GAP43: variants seen among roughly 807,000 people sequenced by gnomAD.
The protein encoded by GAP43 is growth associated protein 43, also known as neuromodulin.
Under a neutral mutation model 18.6 loss-of-function variants are expected in GAP43, and 6 were observed. The ratio of observed to expected loss-of-function variants is 0.32; its 90% confidence interval spans 0.18 to 0.64. The LOEUF is 0.64. GAP43 is among the 30% of genes least tolerant of loss of function. The pLI, the probability that GAP43 is intolerant of heterozygous loss-of-function variation, is 0.78. For synonymous variants in GAP43, 115 were observed against 111.4 expected (o/e 1.03, Z -0.20); for missense variants, 292 against 295.5 (o/e 0.99, Z 0.09).
chr3:115,663,730 G>T (rs1559795139), intron 1 of GAP43: 3 of 1,546,372 alleles, frequency 1.9e-6, no homozygotes, highest in Non-Finnish European at 1.7e-6. Context: ...CAGCTCTACA[G>T]CCTAGTCTTT....
chr3:115,663,842 T>A, intron 1 of GAP43: 1 of 1,552,064 alleles, frequency 6.4e-7, no homozygotes, highest in Middle Eastern at 1.7e-4. Flanking sequence ...CCTGGGAGGC[T>A]TGAGGAAAAA....
In GAP43 at chr3:115,663,493, C is replaced by G. The variant is rs536195151; in HGVS notation, c.31-12520C>G. The G allele has an allele frequency of 3.2e-3, 3,677 of 1,165,418 alleles. 6 individuals are homozygous for G. The highest frequency in any genetic ancestry group is 3.7e-3 in the Non-Finnish European group (3,462 of 944,944). 72.2% of individuals were successfully genotyped at this position (1,165,418 alleles called of 1,614,324 possible). On this transcript the variant is annotated intron_variant, in intron 1 of 2. Transcript: ENST00000305124. ...TTCTCCCAGTATTGCTTTCCCTGCT[C>G]TCTGATATTTTTCTCTTTTGCTTTC...
intron 1 of GAP43, among the ~76,000 whole-genome samples, chr3:115,657,262 A>T (rs980927218): frequency 6.6e-6 from 1 of 151,910 alleles, no homozygotes; most frequent in Admixed American, 6.6e-5. Flanking sequence ...AGTGTAGGAG[A>T]GGTGAGTTGC....
chr3:115,633,870 G>A (rs1283831180), intron 1 of GAP43, among the ~76,000 whole-genome samples: 2 of 152,156 alleles, frequency 1.3e-5, no homozygotes, highest in Non-Finnish European at 2.9e-5. Context: ...ACAATAATGG[G>A]TGTAAAACAG....
chr3:115,647,760 A>AAAC (rs767884420), intron 1 of GAP43, among the ~76,000 whole-genome samples: 2,588 of 101,702 alleles, frequency 0.025, 38 homozygotes, highest in Middle Eastern at 0.076. Flanking sequence ...CAAAAAAACA[A>AAAC]AAAAAAAAAA....
intron 1 of GAP43, among the ~76,000 whole-genome samples, chr3:115,660,010 T>C (rs1322898497): frequency 2.0e-5 from 3 of 152,228 alleles, no homozygotes; most frequent in East Asian, 3.8e-4. Context: ...TTTCACTTTT[T>C]TCATCGCAGA....
At position 115,650,834 on chromosome 3, in the gene GAP43, G is replaced by A. The variant is rs74720067; in HGVS notation, c.31-25179G>A. 4.1e-4 allele frequency among the ~76,000 whole-genome samples: 62 copies of A among 152,206 alleles called. No homozygotes were observed. The East Asian group carries it at 0.011, about 28-fold the overall frequency. On this transcript the variant is annotated intron_variant, in intron 1 of 2. Transcript: ENST00000305124. The stretch of plus-strand genomic sequence containing the variant: ...AAGGGGAAGGAAAAAGTGTGTGGAG[G>A]AAAGTAAAATCTGGTCAGGCATGGT...
chr3:115,680,576 A>G (rs912719808), intron 2 of GAP43, among the ~76,000 whole-genome samples: 1 of 152,220 alleles, frequency 6.6e-6, no homozygotes, highest in Non-Finnish European at 1.5e-5. Flanking sequence ...AATCATATTC[A>G]TAATCTCAAT....
intron 1 of GAP43, among the ~76,000 whole-genome samples, chr3:115,671,266 G>C (rs1708812166): frequency 6.6e-6 from 1 of 152,172 alleles, no homozygotes; most frequent in Admixed American, 6.5e-5. Context: ...AAGAAGACCA[G>C]AGCAACAATG....
chr3:115,645,304 T>C (rs959077330), intron 1 of GAP43, among the ~76,000 whole-genome samples: 2 of 152,032 alleles, frequency 1.3e-5, no homozygotes, highest in Non-Finnish European at 1.5e-5. Flanking sequence ...ATATTTTTTG[T>C]GTTGATGCTA....
At chr3:115,641,267 C>G (rs1708391904) in intron 1 of GAP43, among the ~76,000 whole-genome samples, 1 of 151,724 alleles carries the variant, frequency 6.6e-6, no homozygotes, top group African/African-American at 2.4e-5. Flanking sequence ...TTTCCTCATT[C>G]CCTATCTGGT....
chr3:115,672,779 CTTTCA>C (rs2107487594), intron 1 of GAP43, among the ~76,000 whole-genome samples: 1 of 150,508 alleles, frequency 6.6e-6, no homozygotes, highest in Admixed American at 6.7e-5. Flanking sequence ...CTTTCCTTTC[CTTTCA>C]TTTCCCTGCG....
intron 2 of GAP43, among the ~76,000 whole-genome samples, chr3:115,714,248 A>G (rs283364): frequency 0.049 from 7,394 of 152,308 alleles, 588 homozygotes; most frequent in African/African-American, 0.17. Context: ...CATCAAGAAT[A>G]TATGAATTTA....
chr3:115,631,478 TGTAA>T (rs1450248163), intron 1 of GAP43, among the ~76,000 whole-genome samples: 2 of 152,196 alleles, frequency 1.3e-5, no homozygotes, highest in Non-Finnish European at 2.9e-5. Flanking sequence ...GTTTTTGAAA[TGTAA>T]GTATTATTAA....
chr3:115,642,630 G>A (rs1013102177), intron 1 of GAP43, among the ~76,000 whole-genome samples: 3 of 152,004 alleles, frequency 2.0e-5, no homozygotes, highest in Non-Finnish European at 2.9e-5. Context: ...AAGCCTTGGA[G>A]GTTTGGGGGA....
intron 1 of GAP43, among the ~76,000 whole-genome samples, chr3:115,629,270 A>G (rs1231260061): frequency 1.3e-5 from 2 of 152,178 alleles, no homozygotes; most frequent in Non-Finnish European, 2.9e-5. Context: ...TTACCTTGCA[A>G]ATAACACCAC....
intron 1 of GAP43, among the ~76,000 whole-genome samples, chr3:115,651,344 C>T (rs533018694): frequency 5.9e-5 from 9 of 152,220 alleles, no homozygotes; most frequent in South Asian, 4.1e-4. Flanking sequence ...TCTGCACATA[C>T]GGAAGACCTG....
chr3:115,684,515 G>A (rs534018698), intron 2 of GAP43, among the ~76,000 whole-genome samples: 1 of 152,278 alleles, frequency 6.6e-6, no homozygotes, highest in Admixed American at 6.5e-5. Context: ...CAATATGTAG[G>A]GAAAGGGCTG....
chr3:115,694,026 G>A (rs747927939), intron 2 of GAP43, among the ~76,000 whole-genome samples: 1 of 152,124 alleles, frequency 6.6e-6, no homozygotes, highest in African/African-American at 2.4e-5. Context: ...TTGCTGGCAC[G>A]TGCCCGGTGG....
Sources: allele counts gnomAD v4.1 joint callset (sites outside exome capture counted in the v4.1 genomes callset), GRCh38; gene constraint gnomAD v4.1.1; transcripts MANE v1.5; gene names NCBI Gene and HGNC (gene_info 2026-07-23, HGNC 2026-07-21).